Variants in RNGTT observed in about 807,000 individuals in gnomAD.
RNGTT encodes the protein mRNA-capping enzyme.
In RNGTT, 33 loss-of-function variants were observed where a neutral mutation model predicts 79.3. The ratio of observed to expected loss-of-function variants is 0.42; its 90% CI spans 0.32 to 0.56. The LOEUF is 0.56. Ranked by LOEUF, RNGTT falls within the 20% of genes least tolerant of loss-of-function variation. The pLI is 0.17. For missense variants in RNGTT, 497 were observed against 739.1 expected (o/e 0.67, Z 3.80); for synonymous variants, 222 against 235.9 (o/e 0.94, Z 0.54).
At chr6:88,717,109 C>A (rs1211042924) in intron 13 of RNGTT, among the ~76,000 whole-genome samples, 1 of 152,174 alleles carries the variant, frequency 6.6e-6, no homozygotes, top group Non-Finnish European at 1.5e-5. Flanking sequence ...ACTGGCTCCA[C>A]AAAGGAGCTA....
At chr6:88,900,171 G>T (rs550352078) in intron 6 of RNGTT, among the ~76,000 whole-genome samples, 1 of 148,272 alleles carries the variant, frequency 6.7e-6, no homozygotes, top group Non-Finnish European at 1.5e-5. Context: ...ATATCAAAAG[G>T]ACACGAGAAA....
At chr6:88,674,997 C>T (rs1441746066) in intron 14 of RNGTT, among the ~76,000 whole-genome samples, 2 of 151,696 alleles carry the variant, frequency 1.3e-5, no homozygotes, top group Non-Finnish European at 2.9e-5. Flanking sequence ...ACTCGGGAGG[C>T]TGAGGCAGGA....
intron 14 of RNGTT, among the ~76,000 whole-genome samples, chr6:88,648,957 T>C (rs1406291250): frequency 1.3e-5 from 2 of 152,218 alleles, no homozygotes; most frequent in Admixed American, 1.3e-4. Context: ...GTCTTGTACA[T>C]ATGCAGTAAG....
intron 4 of RNGTT, among the ~76,000 whole-genome samples, chr6:88,906,921 A>G (rs1226793672): frequency 6.6e-6 from 1 of 152,240 alleles, no homozygotes; most frequent in Non-Finnish European, 1.5e-5. Flanking sequence ...AACAGAGCAA[A>G]TAAACTAATA....
At chr6:88,675,877 C>T (rs1251574853) in intron 14 of RNGTT, among the ~76,000 whole-genome samples, 1 of 151,860 alleles carries the variant, frequency 6.6e-6, no homozygotes, top group African/African-American at 2.4e-5. Context: ...TGTCTAAGAC[C>T]AATATACTGA....
intron 14 of RNGTT, among the ~76,000 whole-genome samples, chr6:88,668,934 T>C (rs1275369656): frequency 1.3e-5 from 2 of 152,186 alleles, no homozygotes; most frequent in African/African-American, 4.8e-5. Flanking sequence ...ATGGTATTAT[T>C]GAATGTAGTT....
intron 14 of RNGTT, among the ~76,000 whole-genome samples, chr6:88,644,160 C>G (rs1234610128): frequency 1.3e-5 from 2 of 151,898 alleles, no homozygotes; most frequent in Non-Finnish European, 2.9e-5. Flanking sequence ...TAAAAAATGA[C>G]AAAGGGGATA....
chr6:88,960,456 G>A, intron 1 of RNGTT, among the ~76,000 whole-genome samples: 1 of 152,194 alleles, frequency 6.6e-6, no homozygotes, highest in Non-Finnish European at 1.5e-5. Context: ...AGGGAGGGCT[G>A]GGTGCGGTAG....
At chr6:88,734,369 A>G (rs1777214594) in intron 13 of RNGTT, among the ~76,000 whole-genome samples, 1 of 152,158 alleles carries the variant, frequency 6.6e-6, no homozygotes, top group Non-Finnish European at 1.5e-5. Flanking sequence ...AAAATGTTCA[A>G]TTTCAACCAG....
At position 88,612,814 on chromosome 6, in the gene RNGTT, C is replaced by G. The variant is rs781666767; in HGVS notation, c.1699G>C (p.Ala567Pro). 8.1e-6 allele frequency: 13 copies of G among 1,613,492 alleles called. No individual in the cohort carries two copies. The East Asian group carries it at 2.7e-4, about 33-fold the overall frequency. ...MLFEFIDRCT[A>P]ASQGQKRKHH... Reference sequence around the variant, plus strand: ...TTTCGCTTCTGTCCTTGAGAAGCTGCAGTACATCTGTCGATGAACTCAAAC... The same window carrying G: ...TTTCGCTTCTGTCCTTGAGAAGCTGGAGTACATCTGTCGATGAACTCAAAC... Residue 567 changes from alanine (A) to proline (P), a missense_variant, in exon 16 of 16, where the codon GCA becomes CCA. Ala to Pro is a conservative substitution (Grantham distance 27). Coordinates refer to ENST00000369485, the MANE Select transcript of RNGTT (RefSeq NM_003800.5).
chr6:88,808,946 G>A (rs1313557280), intron 11 of RNGTT, among the ~76,000 whole-genome samples: 1 of 150,612 alleles, frequency 6.6e-6, no homozygotes. Context: ...GACAGAGTGA[G>A]ATCCCTCTTA....
intron 13 of RNGTT, among the ~76,000 whole-genome samples, chr6:88,703,797 T>C (rs1776023626): frequency 6.6e-6 from 1 of 152,230 alleles, no homozygotes; most frequent in African/African-American, 2.4e-5. Context: ...ATCACTAATG[T>C]GGTATCTCTC....
chr6:88,787,445 G>A (rs1466791235), intron 12 of RNGTT, among the ~76,000 whole-genome samples: 1 of 152,088 alleles, frequency 6.6e-6, no homozygotes, highest in African/African-American at 2.4e-5. Flanking sequence ...CGGATCACAA[G>A]GTCAAGAGAT....
At chr6:88,675,118 A>G (rs77396763) in intron 14 of RNGTT, among the ~76,000 whole-genome samples, 1 of 146,066 alleles carries the variant, frequency 6.8e-6, no homozygotes, top group African/African-American at 2.7e-5. Flanking sequence ...AAAAAAAAAA[A>G]TTATAGGTTT....
intron 1 of RNGTT, among the ~76,000 whole-genome samples, chr6:88,941,558 G>A (rs115479730): frequency 0.022 from 3,347 of 152,046 alleles, 122 homozygotes; most frequent in African/African-American, 0.077. Context: ...GTGAGCCACC[G>A]CACCCAGCCT....
chr6:88,894,226 A>G (rs184358400), intron 6 of RNGTT, among the ~76,000 whole-genome samples: 5 of 152,222 alleles, frequency 3.3e-5, no homozygotes, highest in South Asian at 2.1e-4. Context: ...CCAGTGTTAG[A>G]AAATCCTGTA....
chr6:88,794,158 T>A lies in RNGTT; in HGVS notation c.1338+7406A>T, dbSNP rs182452196. Among the ~76,000 whole-genome samples the A allele has an allele frequency of 1.9e-3, 288 of 152,318 alleles. 4 individuals are homozygous for A. The highest frequency in any genetic ancestry group is 6.8e-3 in the African/African-American group (282 of 41,566). On this transcript the variant is annotated intron_variant, in intron 12 of 15. Transcript: ENST00000369485. ...ATATTCAGTGGTGTCTGTTTGTTTG[T>A]TTGTTTAACCAGAGACCACTCCTAA...
At chr6:88,797,907 A>G (rs899812128) in intron 12 of RNGTT, among the ~76,000 whole-genome samples, 3 of 149,508 alleles carry the variant, frequency 2.0e-5, no homozygotes, top group African/African-American at 7.4e-5. Context: ...AAAAAAGAAC[A>G]GCATAGACTG....
chr6:88,684,042 AT>A (rs57269664), intron 13 of RNGTT, among the ~76,000 whole-genome samples: 3,749 of 152,238 alleles, frequency 0.025, 136 homozygotes, highest in African/African-American at 0.085. Flanking sequence ...AAAGAAAAAA[AT>A]AATAATCTGA....
Sources: allele counts gnomAD v4.1 joint callset (sites outside exome capture counted in the v4.1 genomes callset), GRCh38; gene constraint gnomAD v4.1.1; transcripts MANE v1.5; gene names NCBI Gene and HGNC (gene_info 2026-07-23, HGNC 2026-07-21).